DEPTOR: variants seen among roughly 807,000 people sequenced by gnomAD.
The protein encoded by DEPTOR is DEP domain-containing mTOR-interacting protein.
Under a neutral mutation model 41.6 loss-of-function variants are expected in DEPTOR, and 41 were observed. The ratio of observed to expected loss-of-function variants is 0.98; its 90% CI spans 0.77 to 1.28. The LOEUF (loss-of-function observed/expected upper bound fraction) is 1.28. DEPTOR is among the 50% of genes most tolerant of loss of function. The pLI, the probability that DEPTOR is intolerant of heterozygous loss-of-function variation, is 0.00. For missense variants in DEPTOR, 514 were observed against 527.9 expected (o/e 0.97, Z 0.26); for synonymous variants, 195 against 192.3 (o/e 1.01, Z -0.12).
intron 8 of DEPTOR, among the ~76,000 whole-genome samples, chr8:120,040,364 C>G (rs923123329): frequency 4.0e-5 from 6 of 151,746 alleles, no homozygotes; most frequent in African/African-American, 1.5e-4. Context: ...ATCTCGAGGT[C>G]GGGAGATCAA....
chr8:119,970,492 T>C (rs561296672), intron 4 of DEPTOR, among the ~76,000 whole-genome samples: 1 of 152,324 alleles, frequency 6.6e-6, no homozygotes, highest in South Asian at 2.1e-4. Context: ...CCTGGCATGA[T>C]GGAATGAGCA....
intron 8 of DEPTOR, 30 bp downstream of exon 8, chr8:120,009,163 A>G: frequency 2.5e-6 from 4 of 1,593,330 alleles, no homozygotes; most frequent in Non-Finnish European, 3.4e-6. Context: ...ACCCTCTTTT[A>G]TATCTGTCTT....
intron 3 of DEPTOR, among the ~76,000 whole-genome samples, chr8:119,932,740 G>A (rs1388121886): frequency 6.6e-6 from 1 of 152,072 alleles, no homozygotes. Context: ...AGGTGTCGTC[G>A]GTGCAAGAAA....
At chr8:119,996,590 A>G (rs7017647) in intron 4 of DEPTOR, among the ~76,000 whole-genome samples, 23,122 of 152,190 alleles carry the variant, frequency 0.15, 2,851 homozygotes, top group African/African-American at 0.34. Flanking sequence ...TGGAGACTGG[A>G]TGTAAACTAA....
At chr8:120,041,095 CTTCAAGATCA>C (rs1813061234) in intron 8 of DEPTOR, among the ~76,000 whole-genome samples, 1 of 152,088 alleles carries the variant, frequency 6.6e-6, no homozygotes. Context: ...CTTCATTCTC[CTTCAAGATCA>C]GAAAGAAAAA....
intron 1 of DEPTOR, among the ~76,000 whole-genome samples, chr8:119,922,799 C>T (rs149808610): frequency 0.013 from 1,974 of 152,282 alleles, 126 homozygotes; most frequent in Admixed American, 0.1. Context: ...CTTTGTATTC[C>T]TAATCCCGTT....
At chr8:119,994,278 T>C (rs920776258) in intron 4 of DEPTOR, among the ~76,000 whole-genome samples, 2 of 152,146 alleles carry the variant, frequency 1.3e-5, no homozygotes, top group Non-Finnish European at 2.9e-5. Context: ...ATCGCACCAC[T>C]CTGGATGACA....
intron 4 of DEPTOR, among the ~76,000 whole-genome samples, chr8:119,973,075 G>T (rs1484923862): frequency 1.3e-5 from 2 of 151,916 alleles, no homozygotes; most frequent in Non-Finnish European, 2.9e-5. Flanking sequence ...GAGTAGCTGG[G>T]ATTACAGGCA....
At chr8:119,995,104 G>T (rs1050854942) in intron 4 of DEPTOR, among the ~76,000 whole-genome samples, 2 of 152,018 alleles carry the variant, frequency 1.3e-5, no homozygotes, top group African/African-American at 4.8e-5. Context: ...AATGAAGAAG[G>T]CTTACAACAC....
intron 1 of DEPTOR, among the ~76,000 whole-genome samples, chr8:119,911,545 C>T (rs1056311171): frequency 6.6e-6 from 1 of 151,946 alleles, no homozygotes; most frequent in Non-Finnish European, 1.5e-5. Context: ...CTTGAATTCC[C>T]GACCTCAGGT....
chr8:119,957,871 G>A (rs569214366), intron 3 of DEPTOR, among the ~76,000 whole-genome samples: 5 of 152,216 alleles, frequency 3.3e-5, no homozygotes, highest in South Asian at 2.1e-4. Context: ...TTTTACAGGC[G>A]TGAGCCCCTG....
intron 1 of DEPTOR, among the ~76,000 whole-genome samples, chr8:119,884,068 G>C (rs181077355): frequency 1.3e-5 from 2 of 152,172 alleles, no homozygotes; most frequent in Admixed American, 1.3e-4. Context: ...AGTTAGGTTA[G>C]AGTTAGAGTG....
chr8:119,894,466 G>A (rs1827490299), intron 1 of DEPTOR, among the ~76,000 whole-genome samples: 1 of 151,540 alleles, frequency 6.6e-6, no homozygotes, highest in Admixed American at 6.6e-5. Flanking sequence ...GCGCAATCTT[G>A]GCTCACTGCA....
intron 1 of DEPTOR, among the ~76,000 whole-genome samples, chr8:119,907,510 G>A (rs1827678461): frequency 6.6e-6 from 1 of 152,144 alleles, no homozygotes; most frequent in Admixed American, 6.6e-5. Flanking sequence ...CTGCCCTTAG[G>A]GAGATGACTT....
chr8:119,965,519 C>T, intron 4 of DEPTOR, 109 bp downstream of exon 4: 1 of 1,350,102 alleles, frequency 7.4e-7, no homozygotes, highest in South Asian at 1.4e-5. Context: ...AAGTCAGCTG[C>T]ACCTCTGCTT....
chr8:119,928,663 C>A, intron 2 of DEPTOR, 85 bp downstream of exon 2: 3 of 1,447,072 alleles, frequency 2.1e-6, no homozygotes, highest in South Asian at 1.5e-5. Flanking sequence ...AGAAAGAAAA[C>A]ATTTTGCTTT....
chr8:119,924,130 A>G (rs1438501327), intron 1 of DEPTOR, among the ~76,000 whole-genome samples: 2 of 152,150 alleles, frequency 1.3e-5, no homozygotes, highest in Non-Finnish European at 2.9e-5. Flanking sequence ...ATTGTTTTAC[A>G]GCTTAAGGGC....
At chr8:119,898,123 T>C (rs2129738640) in intron 1 of DEPTOR, among the ~76,000 whole-genome samples, 1 of 152,288 alleles carries the variant, frequency 6.6e-6, no homozygotes, top group South Asian at 2.1e-4. Context: ...ATTTACGTAT[T>C]GTCTACAACT....
At chr8:120,007,854 G>T (rs1204962404) in intron 7 of DEPTOR, among the ~76,000 whole-genome samples, 4 of 152,218 alleles carry the variant, frequency 2.6e-5, no homozygotes, top group African/African-American at 9.6e-5. Context: ...TAACGGAAGT[G>T]CCTGAAAATC....
Sources: gnomAD v4.1 joint callset for allele counts (sites outside exome capture counted in the v4.1 genomes callset) on GRCh38, gnomAD v4.1.1 for gene constraint, MANE v1.5 for transcripts, NCBI Gene and HGNC (gene_info 2026-07-23, HGNC 2026-07-21) for gene names.